The following PRKACB variants were observed in gnomAD, a reference collection of about 807,000 sequenced individuals.
The protein encoded by PRKACB is cAMP-dependent protein kinase catalytic subunit beta.
A neutral mutation model predicts 51.4 loss-of-function variants in PRKACB; 16 were observed. The observed-to-expected ratio is 0.31, with a 90% CI of 0.21 to 0.47. PRKACB has a LOEUF of 0.47. Among genes scored for constraint, PRKACB ranks in the 20% least tolerant of loss-of-function variants. The pLI is 1.00. For missense variants in PRKACB, 309 were observed against 464.5 expected (o/e 0.67, Z 3.08); for synonymous variants, 147 against 154.4 (o/e 0.95, Z 0.35).
intron 1 of PRKACB, among the ~76,000 whole-genome samples, chr1:84,098,760 A>G (rs1363756944): frequency 1.3e-5 from 2 of 152,090 alleles, no homozygotes; most frequent in African/African-American, 4.8e-5. Context: ...AGATTTCACC[A>G]GGGTTCTGGT....
intron 8 of PRKACB, among the ~76,000 whole-genome samples, chr1:84,207,511 G>C (rs946418516): frequency 2.6e-5 from 4 of 152,042 alleles, no homozygotes; most frequent in African/African-American, 9.7e-5. Context: ...TAATGTGTAT[G>C]TTCATTTTTG....
chr1:84,147,884 C>T (rs1654320417), intron 1 of PRKACB, among the ~76,000 whole-genome samples: 2 of 151,974 alleles, frequency 1.3e-5, no homozygotes, highest in Non-Finnish European at 1.5e-5. Flanking sequence ...ATTAGACATC[C>T]AGAATTTTGT....
At chr1:84,115,098 C>T (rs762446092) in intron 1 of PRKACB, among the ~76,000 whole-genome samples, 13 of 151,848 alleles carry the variant, frequency 8.6e-5, no homozygotes, top group Non-Finnish European at 1.3e-4. Context: ...TTTAGGTTTT[C>T]GAGAAATCTC....
At chr1:84,185,413 A>G (rs915391295) in intron 5 of PRKACB, among the ~76,000 whole-genome samples, 1 of 151,836 alleles carries the variant, frequency 6.6e-6, no homozygotes, top group Non-Finnish European at 1.5e-5. Flanking sequence ...TACTACTGCT[A>G]GATATTGTGA....
At chr1:84,146,376 T>A (rs2100610696) in intron 1 of PRKACB, among the ~76,000 whole-genome samples, 1 of 152,132 alleles carries the variant, frequency 6.6e-6, no homozygotes, top group South Asian at 2.1e-4. Context: ...CATGAAGCTA[T>A]AATTTCCTAT....
chr1:84,179,205 A>G lies in PRKACB; in HGVS notation c.216A>G (p.Glu72=). Residue 72 remains glutamate (E), a synonymous_variant, in exon 2 of 10, where the codon GAA becomes GAG. Coordinates refer to ENST00000370685, the MANE Select transcript of PRKACB (RefSeq NM_182948.4). ...AAGAGTTTCTAGCCAAAGCCAAAGA[A>G]GACTTTTTGAAAAAATGGGAGAATC... The part of the protein sequence containing the change: ...SMKEFLAKAK[E]DFLKKWENPT... 6.3e-7 allele frequency: 1 copy of G among 1,586,088 alleles called. No individual in the cohort carries two copies. Among genetic ancestry groups the G allele is most frequent in the Non-Finnish European group, 8.6e-7 (1 of 1,165,592 alleles).
chr1:84,090,002 A>G lies in PRKACB; in HGVS notation c.46+11631A>G, dbSNP rs115151435. 9.8e-3 allele frequency among the ~76,000 whole-genome samples: 1,496 copies of G among 152,296 alleles called. 28 individuals carry two copies. Among genetic ancestry groups the G allele is most frequent in the African/African-American group, 0.033 (1,386 of 41,548 alleles). On this transcript the variant is annotated intron_variant, in intron 1 of 8. Coordinates refer to the PRKACB transcript ENST00000370688. ...AATGTAACTCATGATAAACTCAGCT[A>G]TGTGCTTTCTCAGTGCTTTCAGTCA... is the stretch of plus-strand genomic sequence containing the variant.
intron 1 of PRKACB, among the ~76,000 whole-genome samples, chr1:84,150,765 G>A (rs1249785610): frequency 6.6e-6 from 1 of 152,048 alleles, no homozygotes; most frequent in Admixed American, 6.6e-5. Context: ...GCAGAACCAT[G>A]AGCCAAAATA....
chr1:84,220,560 A>G (rs952501640), intron 9 of PRKACB, among the ~76,000 whole-genome samples: 3 of 152,142 alleles, frequency 2.0e-5, no homozygotes, highest in Non-Finnish European at 2.9e-5. Context: ...CTCATTCAGT[A>G]TGTTAGCTGT....
At chr1:84,204,605 G>C (rs981896407) in intron 8 of PRKACB, 30 of 1,313,970 alleles carry the variant, frequency 2.3e-5, no homozygotes, top group Non-Finnish European at 2.6e-5. Context: ...AGAATGATGA[G>C]AGAACCAAAA....
intron 1 of PRKACB, chr1:84,173,254 T>A: frequency 8.6e-7 from 1 of 1,166,266 alleles, no homozygotes; most frequent in Non-Finnish European, 1.2e-6. Flanking sequence ...GTAGTGAACA[T>A]GTATAGATGG....
At chr1:84,178,168 G>T (rs1661988234) in intron 1 of PRKACB, among the ~76,000 whole-genome samples, 1 of 151,904 alleles carries the variant, frequency 6.6e-6, no homozygotes, top group Admixed American at 6.6e-5. Context: ...GAAAAATAAA[G>T]TATGTTTTAA....
chr1:84,107,183 G>A (rs1455777497), intron 1 of PRKACB, among the ~76,000 whole-genome samples: 1 of 151,964 alleles, frequency 6.6e-6, no homozygotes, highest in Non-Finnish European at 1.5e-5. Context: ...GGATATATGT[G>A]TCAGTTTTAA....
chr1:84,109,427 A>C (rs1650039293), intron 1 of PRKACB, among the ~76,000 whole-genome samples: 1 of 151,966 alleles, frequency 6.6e-6, no homozygotes, highest in African/African-American at 2.4e-5. Context: ...GATGAATGTT[A>C]GAGTAGCATT....
intron 9 of PRKACB, among the ~76,000 whole-genome samples, chr1:84,216,878 A>C (rs1265322182): frequency 1.3e-5 from 2 of 152,236 alleles, no homozygotes; most frequent in Non-Finnish European, 2.9e-5. Context: ...TCTTAAAATG[A>C]AACTCCAAAC....
In PRKACB at chr1:84,214,328, C is replaced by T; in HGVS notation, c.1071+11C>T. 6.5e-7 allele frequency: 1 copy of T among 1,549,606 alleles called. No homozygotes were observed. The highest frequency in any genetic ancestry group is 2.3e-5 in the East Asian group (1 of 42,930). On this transcript the variant is annotated intron_variant, in intron 9 of 9. Transcript: ENST00000370685. ...ATTTACCAGAGGAAGGTGAGACTTT[C>T]TTTTTTAATTTAAAAGCTTTTTTAA...
chr1:84,232,220 GTTGAGCGGT>G (rs1226235886), intron 9 of PRKACB, among the ~76,000 whole-genome samples: 1 of 151,846 alleles, frequency 6.6e-6, no homozygotes, highest in African/African-American at 2.4e-5. Context: ...TTTCCATGTA[GTTGAGCGGT>G]TTTGAGTGAG....
At chr1:84,190,318 A>T (rs573177757) in intron 5 of PRKACB, among the ~76,000 whole-genome samples, 14 of 152,076 alleles carry the variant, frequency 9.2e-5, no homozygotes, top group African/African-American at 3.1e-4. Flanking sequence ...TTTAAATTAC[A>T]TGAGACATTG....
intron 8 of PRKACB, among the ~76,000 whole-genome samples, chr1:84,210,668 TA>T (rs1010057370): frequency 2.0e-5 from 3 of 152,144 alleles, no homozygotes; most frequent in Non-Finnish European, 4.4e-5. Flanking sequence ...ATGATAAAAG[TA>T]ATACCCTTTT....
Sources: gnomAD v4.1 joint callset for allele counts (sites outside exome capture counted in the v4.1 genomes callset) on GRCh38, gnomAD v4.1.1 for gene constraint, MANE v1.5 for transcripts, NCBI Gene and HGNC (gene_info 2026-07-23, HGNC 2026-07-21) for gene names.